Variants in RBMS1 observed in about 807,000 individuals in gnomAD.
The protein encoded by RBMS1 is RNA-binding motif, single-stranded-interacting protein 1.
In RBMS1, 17 loss-of-function variants were observed where a neutral mutation model predicts 62.3. The observed-to-expected ratio is 0.27, with a 90% confidence interval of 0.19 to 0.41. The LOEUF (loss-of-function observed/expected upper bound fraction) is 0.41, where lower values mean the gene tolerates loss of function less well. Ranked by LOEUF, RBMS1 falls within the 10% of genes least tolerant of loss-of-function variation. The probability of loss-of-function intolerance (pLI) is 1.00; values close to 1 mark genes in which losing one functional copy is unlikely to be tolerated. For missense variants in RBMS1, 334 were observed against 504.5 expected (o/e 0.66, Z 3.24); for synonymous variants, 172 against 170.0 (o/e 1.01, Z -0.09).
chr2:160,415,604 C>G (rs1227316116), intron 1 of RBMS1, among the ~76,000 whole-genome samples: 1 of 152,128 alleles, frequency 6.6e-6, no homozygotes. Flanking sequence ...ACTTTAACAG[C>G]AAACTGTACC....
intron 1 of RBMS1, among the ~76,000 whole-genome samples, chr2:160,455,944 A>G (rs1427474191): frequency 6.6e-6 from 1 of 152,020 alleles, no homozygotes. Context: ...CGGCCTCCCA[A>G]AGTGCTGGGA....
At chr2:160,439,474 G>A (rs367781250) in intron 1 of RBMS1, among the ~76,000 whole-genome samples, 5 of 151,774 alleles carry the variant, frequency 3.3e-5, no homozygotes, top group South Asian at 2.1e-4. Flanking sequence ...GGGCAGAGAC[G>A]CTCCTCACTT....
intron 6 of RBMS1, among the ~76,000 whole-genome samples, 184 bp downstream of exon 6, chr2:160,300,467 A>G (rs1056242905): frequency 2.0e-5 from 3 of 152,224 alleles, no homozygotes; most frequent in African/African-American, 7.2e-5. Context: ...TTCCATTAAC[A>G]TTTAAACATC....
chr2:160,385,284 A>C (rs182754921), intron 1 of RBMS1, among the ~76,000 whole-genome samples: 2 of 152,336 alleles, frequency 1.3e-5, no homozygotes, highest in Admixed American at 1.3e-4. Context: ...TAACCTTAAA[A>C]TCAGCCTATA....
rs750864107 is a variant in RBMS1 at position 160,275,753 on chromosome 2, G to GA, written c.1144-40dup. The GA allele has an allele frequency of 1.9e-6, 3 of 1,612,308 alleles. No individual in the cohort carries two copies. The Admixed American group carries it at 5.0e-5, about 27-fold the overall frequency. ...AGCAGAATGGATGAGACATGTTAGT[G>GA]AAAAAACCTCAGCTCTGCTACTTAG... On this transcript the variant is annotated intron_variant, in intron 12 of 13. Transcript: ENST00000348849.
chr2:160,290,055 T>G (rs762466429), intron 6 of RBMS1, among the ~76,000 whole-genome samples: 1 of 138,828 alleles, frequency 7.2e-6, no homozygotes, highest in East Asian at 2.2e-4. Flanking sequence ...GACCCACTTA[T>G]TTTTAAGTGT....
At chr2:160,461,748 C>G (rs951178842) in intron 1 of RBMS1, among the ~76,000 whole-genome samples, 3 of 152,228 alleles carry the variant, frequency 2.0e-5, no homozygotes, top group Admixed American at 2.0e-4. Flanking sequence ...AAGTATTTGC[C>G]TACAGCTAAC....
intron 2 of RBMS1, among the ~76,000 whole-genome samples, chr2:160,334,616 T>C (rs1174883447): frequency 2.0e-5 from 3 of 152,118 alleles, no homozygotes; most frequent in Non-Finnish European, 2.9e-5. Context: ...CCAGTGACTA[T>C]GTGTGTTAAG....
At chr2:160,387,508 G>A (rs1200927667) in intron 1 of RBMS1, among the ~76,000 whole-genome samples, 2 of 152,124 alleles carry the variant, frequency 1.3e-5, no homozygotes, top group Non-Finnish European at 2.9e-5. Flanking sequence ...TGATTAGACA[G>A]CTGACCAGTT....
rs562519685 is a variant in RBMS1 at position 160,358,250 on chromosome 2, AC to A, written c.251+8965del. Among the ~76,000 whole-genome samples the A allele has an allele frequency of 2.3e-4, 35 of 152,260 alleles. No homozygotes were observed. In the South Asian group the frequency reaches 7.0e-3, roughly 31 times the overall value. ...AATGCATCATGTGTTAAACTCTTCA[AC>A]ATGGAACCTTACTGGAATACTGTCC... On this transcript the variant is annotated intron_variant, in intron 2 of 13. Coordinates refer to ENST00000348849, the MANE Select transcript of RBMS1 (RefSeq NM_016836.4).
intron 1 of RBMS1, among the ~76,000 whole-genome samples, chr2:160,426,933 A>G (rs980436166): frequency 1.3e-5 from 2 of 152,232 alleles, no homozygotes; most frequent in Non-Finnish European, 1.5e-5. Context: ...GAATGGAAGA[A>G]AGCCTAGCTC....
At chr2:160,438,897 C>T (rs1683245523) in intron 1 of RBMS1, among the ~76,000 whole-genome samples, 1 of 150,964 alleles carries the variant, frequency 6.6e-6, no homozygotes, top group African/African-American at 2.4e-5. Flanking sequence ...GGCTGACTCC[C>T]CCCACCTCCC....
At chr2:160,311,220 C>CATATATATATA (rs1689846208) in intron 4 of RBMS1, among the ~76,000 whole-genome samples, 1 of 84,990 alleles carries the variant, frequency 1.2e-5, no homozygotes, top group Non-Finnish European at 2.4e-5. Flanking sequence ...ATCTATCTAT[C>CATATATATATA]TATCTATCTA....
At chr2:160,295,769 A>C (rs1688903116) in intron 6 of RBMS1, among the ~76,000 whole-genome samples, 1 of 152,258 alleles carries the variant, frequency 6.6e-6, no homozygotes. Flanking sequence ...TGACACCCTG[A>C]GATCTACTGT....
chr2:160,324,882 G>GTATGTATATATATATATA (rs1690808529), intron 2 of RBMS1, among the ~76,000 whole-genome samples: 4 of 100,016 alleles, frequency 4.0e-5, no homozygotes, highest in African/African-American at 1.7e-4. Flanking sequence ...GTGTGTGTGT[G>GTATGTATATATATATATA]TATATATATA....
At chr2:160,318,096 C>T (rs1690326231) in intron 3 of RBMS1, 73 bp downstream of exon 3, 5 of 1,556,940 alleles carry the variant, frequency 3.2e-6, no homozygotes, top group Non-Finnish European at 4.3e-6. Context: ...GTTTTGAAAC[C>T]AAAGATCAGG....
At chr2:160,455,770 G>A (rs928686491) in intron 1 of RBMS1, among the ~76,000 whole-genome samples, 3 of 141,740 alleles carry the variant, frequency 2.1e-5, no homozygotes, top group Admixed American at 7.6e-5. Flanking sequence ...TGCAAGCTCC[G>A]CCTCCCGGGT....
intron 1 of RBMS1, among the ~76,000 whole-genome samples, chr2:160,424,249 C>A (rs1696552861): frequency 6.6e-6 from 1 of 151,830 alleles, no homozygotes; most frequent in Admixed American, 6.6e-5. Context: ...AAACTCCTGA[C>A]CTCAAATGAT....
At chr2:160,347,205 T>A (rs1692234354) in intron 2 of RBMS1, among the ~76,000 whole-genome samples, 2 of 152,118 alleles carry the variant, frequency 1.3e-5, no homozygotes, top group Admixed American at 1.3e-4. Flanking sequence ...ATTAATTGCT[T>A]AGAATGCTAA....
Sources: allele counts gnomAD v4.1 joint callset (sites outside exome capture counted in the v4.1 genomes callset), GRCh38; gene constraint gnomAD v4.1.1; transcripts MANE v1.5; gene names NCBI Gene and HGNC (gene_info 2026-07-23, HGNC 2026-07-21).